The following CYP2C19 variants were observed in gnomAD, a reference collection of about 807,000 sequenced individuals.
CYP2C19 encodes cytochrome P450 2C19.
A neutral mutation model predicts 40.9 loss-of-function variants in CYP2C19; 59 were observed. That is an observed-to-expected ratio of 1.44 (90% confidence interval 1.17 to 1.79). The LOEUF (loss-of-function observed/expected upper bound fraction) is 1.79, where lower values mean the gene tolerates loss of function less well. Among genes scored for constraint, CYP2C19 ranks in the 40% most tolerant of loss-of-function variants. The pLI, the probability that CYP2C19 is intolerant of heterozygous loss-of-function variation, is 0.00. For synonymous variants in CYP2C19, 253 were observed against 208.7 expected (o/e 1.21, Z -1.83); for missense variants, 754 against 596.9 (o/e 1.26, Z -2.74).
At chr10:94,852,189 T>C (rs1442872659) in intron 8 of CYP2C19, among the ~76,000 whole-genome samples, 1 of 152,098 alleles carries the variant, frequency 6.6e-6, no homozygotes, top group Non-Finnish European at 1.5e-5. Flanking sequence ...GGTCAAGCTA[T>C]TTGGATCTTA....
chr10:94,790,104 C>T (rs543081434), intron 5 of CYP2C19, among the ~76,000 whole-genome samples: 1 of 151,650 alleles, frequency 6.6e-6, no homozygotes, highest in East Asian at 1.9e-4. Flanking sequence ...CTCTTTGTAG[C>T]AATTGTGAAT....
chr10:94,775,585 C>G (rs1422600117), intron 3 of CYP2C19, 46 bp downstream of exon 3: 1 of 1,613,618 alleles, frequency 6.2e-7, no homozygotes, highest in Non-Finnish European at 8.5e-7. Flanking sequence ...GACTGCTCTC[C>G]TCTCTACTGA....
At chr10:94,833,085 A>G (rs963475458) in intron 6 of CYP2C19, among the ~76,000 whole-genome samples, 4 of 152,198 alleles carry the variant, frequency 2.6e-5, no homozygotes, top group African/African-American at 4.8e-5. Flanking sequence ...ATATATCAAC[A>G]CTACTGATTT....
At chr10:94,795,035 A>G (rs1220721721) in intron 5 of CYP2C19, among the ~76,000 whole-genome samples, 2 of 151,874 alleles carry the variant, frequency 1.3e-5, no homozygotes, top group Non-Finnish European at 2.9e-5. Context: ...TTTAAGTTGT[A>G]GGGTACATGT....
intron 6 of CYP2C19, among the ~76,000 whole-genome samples, chr10:94,828,207 C>A (rs535982207): frequency 2.6e-3 from 393 of 152,058 alleles, no homozygotes; most frequent in African/African-American, 9.2e-3. Context: ...AGTTCAATTC[C>A]TGGGTATCCT....
rs1172820685 is a variant in CYP2C19 at position 94,770,562 on chromosome 10, C to G, written c.169-4496C>G. Among the ~76,000 whole-genome samples, 7 of 151,890 alleles carry G rather than the reference C, an allele frequency of 4.6e-5. No individual in the cohort carries two copies. The East Asian group carries it at 1.4e-3, about 30-fold the overall frequency. ...TTTAATAATGCCTCCAGATTTTGTTCAGGGCCCAGGGCTCACTTTTGGAGC... is the reference window on the plus strand; with the variant it reads ...TTTAATAATGCCTCCAGATTTTGTTGAGGGCCCAGGGCTCACTTTTGGAGC... On this transcript the variant is annotated intron_variant, in intron 1 of 8. Coordinates refer to ENST00000371321, the MANE Select transcript of CYP2C19 (RefSeq NM_000769.4).
chr10:94,845,083 C>T (rs966625604), intron 7 of CYP2C19, among the ~76,000 whole-genome samples: 1 of 152,164 alleles, frequency 6.6e-6, no homozygotes, highest in Non-Finnish European at 1.5e-5. Flanking sequence ...CACTGCGTGG[C>T]CAATTCTACC....
At chr10:94,775,299 C>G in intron 2 of CYP2C19, 79 bp downstream of exon 2, 1 of 1,612,516 alleles carries the variant, frequency 6.2e-7, no homozygotes, top group Non-Finnish European at 8.5e-7. Context: ...GCTTCTCGGG[C>G]AGAGCTTGGC....
intron 4 of CYP2C19, among the ~76,000 whole-genome samples, chr10:94,781,528 GAGA>G (rs761561376): frequency 2.0e-5 from 3 of 152,150 alleles, no homozygotes; most frequent in South Asian, 2.1e-4. Context: ...CAAGATTGTA[GAGA>G]AGAATTGTTG....
At chr10:94,837,988 C>A (rs1454555142) in intron 6 of CYP2C19, among the ~76,000 whole-genome samples, 1 of 152,162 alleles carries the variant, frequency 6.6e-6, no homozygotes, top group African/African-American at 2.4e-5. Flanking sequence ...CCCTATTAGA[C>A]ATATAATTTT....
chr10:94,769,391 T>C lies in CYP2C19; in HGVS notation c.169-5667T>C, dbSNP rs538194325. Among the ~76,000 whole-genome samples, 6 of 152,302 alleles carry C rather than the reference T, an allele frequency of 3.9e-5. No homozygotes were observed. In the East Asian group the frequency reaches 7.7e-4, roughly 20 times the overall value. ...TCCACATAAGTTGGGACGTGTGGTC[T>C]GAGGGATCCTCAAAGGCAAAGAGAA... On this transcript the variant is annotated intron_variant, in intron 1 of 8. Coordinates refer to ENST00000371321, the MANE Select transcript of CYP2C19 (RefSeq NM_000769.4).
intron 1 of CYP2C19, 111 bp downstream of exon 1, chr10:94,762,984 A>G: frequency 2.6e-6 from 3 of 1,165,470 alleles, no homozygotes; most frequent in Non-Finnish European, 3.8e-6. Context: ...GTAAAGTAAA[A>G]TACTTTGAAA....
intron 7 of CYP2C19, among the ~76,000 whole-genome samples, chr10:94,847,862 G>A (rs1849596383): frequency 6.6e-6 from 1 of 152,168 alleles, no homozygotes; most frequent in South Asian, 2.1e-4. Flanking sequence ...GCTTTTGGCT[G>A]CATAAATGTC....
At chr10:94,783,630 A>G (rs1848505990) in intron 5 of CYP2C19, among the ~76,000 whole-genome samples, 1 of 152,068 alleles carries the variant, frequency 6.6e-6, no homozygotes, top group African/African-American at 2.4e-5. Context: ...GGGGGCTCTC[A>G]ATTCTACTCC....
chr10:94,802,019 C>T (rs1848773184), intron 5 of CYP2C19, among the ~76,000 whole-genome samples: 1 of 152,154 alleles, frequency 6.6e-6, no homozygotes, highest in South Asian at 2.1e-4. Flanking sequence ...GTTGCTTCTG[C>T]TGGCTGAGGT....
At chr10:94,770,686 G>T (rs1589817446) in intron 1 of CYP2C19, among the ~76,000 whole-genome samples, 2 of 152,022 alleles carry the variant, frequency 1.3e-5, no homozygotes, top group Admixed American at 1.3e-4. Flanking sequence ...TTTTCTTAAG[G>T]CCTCCTGTAG....
At chr10:94,839,282 T>A (rs1849453423) in intron 6 of CYP2C19, among the ~76,000 whole-genome samples, 1 of 152,110 alleles carries the variant, frequency 6.6e-6, no homozygotes, top group Non-Finnish European at 1.5e-5. Context: ...TGCCCAACAT[T>A]GCCTTTGCAC....
chr10:94,841,515 A>C (rs539260919), intron 6 of CYP2C19, among the ~76,000 whole-genome samples: 6 of 152,162 alleles, frequency 3.9e-5, no homozygotes, highest in Non-Finnish European at 8.8e-5. Context: ...AAGGGAGGGG[A>C]CCCAAAGGGG....
chr10:94,821,246 G>A (rs1199298097), intron 6 of CYP2C19, among the ~76,000 whole-genome samples: 2 of 152,276 alleles, frequency 1.3e-5, no homozygotes, highest in Non-Finnish European at 2.9e-5. Flanking sequence ...GGCAGGAAGA[G>A]ACAACATAAG....
Sources: gnomAD v4.1 joint callset for allele counts (sites outside exome capture counted in the v4.1 genomes callset) on GRCh38, gnomAD v4.1.1 for gene constraint, MANE v1.5 for transcripts, NCBI Gene and HGNC (gene_info 2026-07-23, HGNC 2026-07-21) for gene names.